Variants in EGFLAM observed in about 807,000 individuals in gnomAD.
EGFLAM encodes pikachurin.
Under a neutral mutation model 113.1 loss-of-function variants are expected in EGFLAM, and 79 were observed. That is an observed-to-expected ratio of 0.70 (90% CI 0.58 to 0.84). EGFLAM has a LOEUF of 0.84. Among genes scored for constraint, EGFLAM ranks in the 40% least tolerant of loss-of-function variants. The pLI, the probability that EGFLAM is intolerant of heterozygous loss-of-function variation, is 0.00. For synonymous variants in EGFLAM, 504 were observed against 487.6 expected, an observed-to-expected ratio of 1.03 and a Z score of -0.44; for missense variants, 1,265 against 1,291.6, an observed-to-expected ratio of 0.98 and a Z score of 0.32.
chr5:38,364,546 A>C (rs1184374938), intron 5 of EGFLAM, among the ~76,000 whole-genome samples: 1 of 152,174 alleles, frequency 6.6e-6, no homozygotes, highest in African/African-American at 2.4e-5. Context: ...ACACCAAAAA[A>C]AGGCCTTATA....
chr5:38,357,336 G>A (rs897732507), intron 5 of EGFLAM, among the ~76,000 whole-genome samples: 1 of 152,126 alleles, frequency 6.6e-6, no homozygotes, highest in Admixed American at 6.5e-5. Flanking sequence ...GAATCTGCTG[G>A]CACTTTGATC....
chr5:38,339,052 A>G (rs189281039), intron 3 of EGFLAM, among the ~76,000 whole-genome samples: 89 of 152,200 alleles, frequency 5.8e-4, no homozygotes, highest in Non-Finnish European at 1.1e-3. Flanking sequence ...CTGCCACCTT[A>G]CAGCTGGTTT....
intron 1 of EGFLAM, among the ~76,000 whole-genome samples, chr5:38,323,269 G>A (rs1195142347): frequency 6.6e-6 from 1 of 152,154 alleles, no homozygotes; most frequent in Admixed American, 6.5e-5. Flanking sequence ...ATTTCGCTCA[G>A]AATTTGAAGT....
chr5:38,402,294 G>C (rs1741140212), intron 6 of EGFLAM, among the ~76,000 whole-genome samples: 1 of 152,152 alleles, frequency 6.6e-6, no homozygotes, highest in Non-Finnish European at 1.5e-5. Context: ...AGTCAAAAGA[G>C]AGACCAAGGA....
rs573832846 is a variant in EGFLAM, at chr5:38,427,005, T to C, written c.1811-4T>C. ...GATTTCTAACACCATGCTTGTTTTT[T>C]CAGCTTTCACCTTGACCATTCCTCA... On this transcript the variant is annotated splice_region_variant and splice_polypyrimidine_tract_variant and intron_variant, in intron 13 of 21. Transcript: ENST00000322350. 1.9e-6 allele frequency: 3 copies of C among 1,613,574 alleles called. No homozygotes were observed. The African/African-American group carries it at 4.0e-5, about 22-fold the overall frequency.
At chr5:38,309,004 A>G (rs1193512549) in intron 1 of EGFLAM, among the ~76,000 whole-genome samples, 1 of 152,240 alleles carries the variant, frequency 6.6e-6, no homozygotes, top group Non-Finnish European at 1.5e-5. Flanking sequence ...CAGACTCACA[A>G]GAGCCAATTG....
At chr5:38,435,027 C>A (rs1210530169) in intron 15 of EGFLAM, 110 bp from the exon 16 acceptor site, 2 of 833,224 alleles carry the variant, frequency 2.4e-6, no homozygotes, top group African/African-American at 1.7e-5. Context: ...TGATGGGTCT[C>A]TAGGCTCTGT....
At chr5:38,409,684 C>T (rs1453856328) in intron 10 of EGFLAM, among the ~76,000 whole-genome samples, 1 of 152,194 alleles carries the variant, frequency 6.6e-6, no homozygotes, top group Non-Finnish European at 1.5e-5. Flanking sequence ...GCCTTCTCAT[C>T]TCCCTTTGGC....
In EGFLAM at chr5:38,458,359, C is replaced by T. The variant is rs765615370; in HGVS notation, c.2736C>T (p.Phe912=). Residue 912 remains phenylalanine (F), a synonymous_variant, in exon 20 of 22, where the codon TTC becomes TTT. Coordinates refer to ENST00000322350, the MANE Select transcript of EGFLAM (RefSeq NM_152403.4). ...CATCCATCATGGTGAATGGCTCCTT[C>T]AACGATGGTCGGTGGCACCGAGTTA... The part of the protein sequence containing the change: ...GVASIMVNGS[F]NDGRWHRVKA... 1.2e-6 allele frequency: 2 copies of T among 1,614,136 alleles called. No homozygotes were observed. Among genetic ancestry groups the T allele is most frequent in the South Asian group, 1.1e-5 (1 of 91,076 alleles).
chr5:38,295,001 A>G (rs1351289396), intron 1 of EGFLAM, among the ~76,000 whole-genome samples: 2 of 152,036 alleles, frequency 1.3e-5, no homozygotes, highest in Non-Finnish European at 2.9e-5. Flanking sequence ...CTAATTTTGT[A>G]TTTTTAGTGA....
intron 1 of EGFLAM, among the ~76,000 whole-genome samples, chr5:38,312,047 T>C (rs898237455): frequency 3.9e-5 from 6 of 152,192 alleles, no homozygotes; most frequent in Non-Finnish European, 8.8e-5. Context: ...AAGCCTGTTT[T>C]CTCATTTATA....
chr5:38,423,810 A>C (rs1351712309), intron 12 of EGFLAM, among the ~76,000 whole-genome samples: 1 of 152,234 alleles, frequency 6.6e-6, no homozygotes, highest in African/African-American at 2.4e-5. Context: ...TTCTGTTAGC[A>C]GTCCCTGAAG....
At chr5:38,426,105 G>GA (rs34149274) in intron 13 of EGFLAM, among the ~76,000 whole-genome samples, 22,878 of 142,024 alleles carry the variant, frequency 0.16, 1,805 homozygotes, top group South Asian at 0.23. Context: ...TCCATCTTGG[G>GA]AAAAAAAAAA....
chr5:38,430,714 C>A (rs2731965), intron 14 of EGFLAM, among the ~76,000 whole-genome samples: 13,751 of 152,174 alleles, frequency 0.09, 644 homozygotes, highest in Middle Eastern at 0.099. Context: ...GAGAAGTCCC[C>A]TGGCCTGCCA....
At chr5:38,394,656 G>A (rs1001098855) in intron 6 of EGFLAM, among the ~76,000 whole-genome samples, 2 of 149,356 alleles carry the variant, frequency 1.3e-5, no homozygotes, top group Admixed American at 1.3e-4. Flanking sequence ...TGATCCACCC[G>A]CCTCGGCCTC....
intron 1 of EGFLAM, among the ~76,000 whole-genome samples, chr5:38,329,494 G>T (rs1359764106): frequency 2.0e-5 from 3 of 151,996 alleles, no homozygotes. Context: ...CAACTTCGTG[G>T]GTGGTCAAGC....
At chr5:38,392,265 A>G (rs1159728561) in intron 6 of EGFLAM, among the ~76,000 whole-genome samples, 1 of 152,238 alleles carries the variant, frequency 6.6e-6, no homozygotes, top group Non-Finnish European at 1.5e-5. Context: ...AGCTCCATCC[A>G]CATTTCTGCA....
intron 10 of EGFLAM, among the ~76,000 whole-genome samples, chr5:38,411,016 T>C (rs2961883): frequency 0.14 from 21,168 of 152,210 alleles, 2,874 homozygotes; most frequent in African/African-American, 0.35. Context: ...TGCCCATCAT[T>C]TTCTTTTCTT....
chr5:38,407,553 T>A (rs1327228826), intron 8 of EGFLAM, among the ~76,000 whole-genome samples: 2 of 152,232 alleles, frequency 1.3e-5, no homozygotes, highest in African/African-American at 4.8e-5. Flanking sequence ...GTGGCCCTAA[T>A]GCCATTGGTT....
Sources: gnomAD v4.1 joint callset for allele counts (sites outside exome capture counted in the v4.1 genomes callset) on GRCh38, gnomAD v4.1.1 for gene constraint, MANE v1.5 for transcripts, NCBI Gene and HGNC (gene_info 2026-07-23, HGNC 2026-07-21) for gene names.